The following STPG4 variants were observed in gnomAD, a reference collection of about 807,000 sequenced individuals.
The protein encoded by STPG4 is protein STPG4.
In STPG4, 41 loss-of-function variants were observed where a neutral mutation model predicts 31.5. The observed-to-expected ratio is 1.30, with a 90% confidence interval of 1.01 to 1.69. STPG4 has a LOEUF of 1.69. Ranked by LOEUF, STPG4 falls within the 40% of genes most tolerant of loss-of-function variation. The pLI, the probability that STPG4 is intolerant of heterozygous loss-of-function variation, is 0.00. For missense variants in STPG4, 375 were observed against 293.4 expected, an observed-to-expected ratio of 1.28 and a Z score of -2.03; for synonymous variants, 141 against 103.0, an observed-to-expected ratio of 1.37 and a Z score of -2.24.
At chr2:47,122,918 C>G (rs988645641) in intron 5 of STPG4, among the ~76,000 whole-genome samples, 3 of 152,148 alleles carry the variant, frequency 2.0e-5, no homozygotes, top group African/African-American at 4.8e-5. Flanking sequence ...CTCCGCCTCC[C>G]GGATTCAAGC....
At chr2:47,153,316 AAG>A (rs1423038909) in intron 1 of STPG4, among the ~76,000 whole-genome samples, 1 of 152,168 alleles carries the variant, frequency 6.6e-6, no homozygotes, top group African/African-American at 2.4e-5. Flanking sequence ...TTAGGAAGAA[AAG>A]AGTTAGGCTT....
intron 3 of STPG4, among the ~76,000 whole-genome samples, chr2:47,150,928 C>T (rs1372176798): frequency 6.6e-6 from 1 of 151,952 alleles, no homozygotes; most frequent in Non-Finnish European, 1.5e-5. Flanking sequence ...GAGGGTTCAC[C>T]ACATATACTG....
At chr2:47,154,726 A>G (rs540999593) in intron 1 of STPG4, among the ~76,000 whole-genome samples, 5 of 152,332 alleles carry the variant, frequency 3.3e-5, no homozygotes, top group Non-Finnish European at 7.3e-5. Flanking sequence ...GCGAGACTCT[A>G]AAAGAAAAAC....
intron 5 of STPG4, among the ~76,000 whole-genome samples, chr2:47,107,497 G>A (rs1023600503): frequency 1.4e-4 from 21 of 152,286 alleles, no homozygotes; most frequent in Admixed American, 2.0e-4. Flanking sequence ...GTTTCTCACC[G>A]GGTCTTAGCT....
chr2:47,135,038 T>C (rs957467664), intron 3 of STPG4, among the ~76,000 whole-genome samples: 1 of 152,198 alleles, frequency 6.6e-6, no homozygotes, highest in African/African-American at 2.4e-5. Context: ...AATTGTTTAA[T>C]TGAGTTGTTT....
intron 1 of STPG4, 90 bp from the exon 2 acceptor site, chr2:47,153,106 C>T: frequency 1.1e-6 from 1 of 894,548 alleles, no homozygotes. Context: ...TGAAGAAATT[C>T]ACACCCATAC....
At chr2:47,101,636 A>G (rs1685803253) in intron 5 of STPG4, among the ~76,000 whole-genome samples, 1 of 151,826 alleles carries the variant, frequency 6.6e-6, no homozygotes, top group Admixed American at 6.6e-5. Flanking sequence ...GGGTTCACCA[A>G]TCAGAAAGAC....
intron 1 of STPG4, among the ~76,000 whole-genome samples, chr2:47,153,674 G>A (rs1686977601): frequency 6.6e-6 from 1 of 152,174 alleles, no homozygotes; most frequent in Admixed American, 6.5e-5. Context: ...TCATGAGGCT[G>A]AGGCACGAGA....
intron 5 of STPG4, among the ~76,000 whole-genome samples, chr2:47,103,149 GTCGTAAACATCTGT>G (rs1300428950): frequency 1.3e-5 from 2 of 151,900 alleles, no homozygotes. Flanking sequence ...GGGGACTGGA[GTCGTAAACATCTGT>G]TGACCTGTGT....
intron 5 of STPG4, 195 bp downstream of exon 5, chr2:47,129,746 T>C: frequency 1.7e-6 from 1 of 592,802 alleles, no homozygotes; most frequent in Non-Finnish European, 2.9e-6. Flanking sequence ...TAAAACCTGG[T>C]ATTGCGATCC....
chr2:47,126,392 C>A (rs145315981), intron 5 of STPG4, among the ~76,000 whole-genome samples: 1 of 152,116 alleles, frequency 6.6e-6, no homozygotes, highest in East Asian at 1.9e-4. Flanking sequence ...GTGGCACACA[C>A]ATGGCTCACT....
rs759583274 is a variant in STPG4, at chr2:47,151,402, A to G, written c.255T>C (p.Leu85=). The G allele has an allele frequency of 6.2e-7, 1 of 1,614,084 alleles. No individual in the cohort carries two copies. The highest frequency in any genetic ancestry group is 1.3e-5 in the African/African-American group (1 of 74,930). Residue 85 remains leucine (L), a synonymous_variant, in exon 3 of 7, where the codon CTT becomes CTC. Transcript: ENST00000445927. ...FKNEGRKKPP[L]VQRNNPVLND... Reference sequence around the variant, plus strand: ...TTAGGACTGGATTGTTTCTTTGCACAAGAGGTGGCTTTTTCCTTCCTTCGT... The same window carrying G: ...TTAGGACTGGATTGTTTCTTTGCACGAGAGGTGGCTTTTTCCTTCCTTCGT...
At chr2:47,140,767 G>A (rs1161035086) in intron 3 of STPG4, among the ~76,000 whole-genome samples, 1 of 152,122 alleles carries the variant, frequency 6.6e-6, no homozygotes, top group Non-Finnish European at 1.5e-5. Flanking sequence ...TGAGAACCCA[G>A]ACCCATAAAT....
At chr2:47,103,685 C>A (rs969504444) in intron 5 of STPG4, among the ~76,000 whole-genome samples, 8 of 151,910 alleles carry the variant, frequency 5.3e-5, no homozygotes, top group Admixed American at 3.3e-4. Context: ...TCCACTATGC[C>A]GAGGCAATCA....
intron 3 of STPG4, among the ~76,000 whole-genome samples, chr2:47,135,011 T>C (rs1686568396): frequency 6.6e-6 from 1 of 152,190 alleles, no homozygotes; most frequent in South Asian, 2.1e-4. Flanking sequence ...GAGAGGTGTA[T>C]ATTAAGGAGT....
chr2:47,097,284 G>A (rs1199770474), intron 5 of STPG4, among the ~76,000 whole-genome samples: 3 of 152,106 alleles, frequency 2.0e-5, no homozygotes, highest in African/African-American at 7.2e-5. Context: ...ACTTGAATTT[G>A]CTAAACTTAC....
At chr2:47,087,353 A>G (rs10865215) in intron 6 of STPG4, among the ~76,000 whole-genome samples, 135,427 of 152,320 alleles carry the variant, frequency 0.89, 60,239 homozygotes, top group East Asian at 0.98. Flanking sequence ...GAGGGGGGCT[A>G]ACAGGCCAGG....
chr2:47,148,167 G>C (rs542843592), intron 3 of STPG4, among the ~76,000 whole-genome samples: 19 of 151,994 alleles, frequency 1.3e-4, no homozygotes, highest in African/African-American at 4.3e-4. Flanking sequence ...ATGCTGTCTC[G>C]AACTCCTGGC....
At chr2:47,096,717 C>T (rs1685676959) in intron 5 of STPG4, among the ~76,000 whole-genome samples, 1 of 152,252 alleles carries the variant, frequency 6.6e-6, no homozygotes, top group Non-Finnish European at 1.5e-5. Flanking sequence ...CTGCTGTGAG[C>T]AAGGTATTTA....
Sources: allele counts gnomAD v4.1 joint callset (sites outside exome capture counted in the v4.1 genomes callset), GRCh38; gene constraint gnomAD v4.1.1; transcripts MANE v1.5; gene names NCBI Gene and HGNC (gene_info 2026-07-23, HGNC 2026-07-21).